The following DNAH7 variants were observed in gnomAD, a reference collection of about 807,000 sequenced individuals.
The protein encoded by DNAH7 is axonemal beta dynein heavy chain 7.
A neutral mutation model predicts 444.6 loss-of-function variants in DNAH7; 397 were observed. The observed-to-expected ratio is 0.89, with a 90% CI of 0.82 to 0.97. The LOEUF is 0.97. Ranked by LOEUF, DNAH7 falls within the 50% of genes least tolerant of loss-of-function variation. DNAH7 has a pLI of 0.00. For missense variants in DNAH7, 4,902 were observed against 4,800.8 expected (o/e 1.02, Z -0.62); for synonymous variants, 1,636 against 1,624.4 (o/e 1.01, Z -0.17).
rs908879676 is a variant in DNAH7 at position 195,923,708 on chromosome 2, C to A, written c.3712G>T (p.Ala1238Ser). ...GCATGGACATCCAGTACCACAAGTG[C>A]TCCCAGAGTTACGCGATTCTGCATG... ...LSMQNRVTLG[A>S]LVVLDVHARD... Residue 1238 changes from alanine to serine, a missense_variant, in exon 23 of 65, where the codon GCA becomes TCA. Ala to Ser is a moderately conservative substitution (Grantham distance 99, BLOSUM62 1). Coordinates refer to ENST00000312428, the MANE Select transcript of DNAH7 (RefSeq NM_018897.3). 2 of 1,614,100 alleles carry A rather than the reference C, an allele frequency of 1.2e-6. No homozygotes were observed. Among genetic ancestry groups the A allele is most frequent in the Non-Finnish European group, 8.5e-7 (1 of 1,180,002 alleles).
rs1257445544 is a variant in DNAH7, at chr2:195,816,907, T to C, written c.9482A>G (p.Asn3161Ser). Residue 3161 changes from asparagine (N) to serine (S), a missense_variant, in exon 51 of 65, where the codon AAT (asparagine) becomes AGT (serine). Coordinates refer to ENST00000312428, the MANE Select transcript of DNAH7 (RefSeq NM_018897.3). ...ILEVLSSSEGNILEDETAIKI... is the reference protein window; with the variant it reads ...ILEVLSSSEGSILEDETAIKI... ...AATAGCAGTTTCATCTTCTAATATA[T>C]TGCCTTCCGAAGATGAAAGAACTTC... 6.2e-7 allele frequency: 1 copy of C among 1,612,852 alleles called. No individual in the cohort carries two copies.
Position 195,957,323 on chromosome 2 carries a change from C to A in DNAH7, c.3016G>T (p.Glu1006Ter). The change falls in exon 19 of 65, where the codon GAA becomes TAA. Residue 1006 changes from glutamate to a stop codon, truncating the protein, a stop_gained. Coordinates refer to ENST00000312428, the MANE Select transcript of DNAH7 (RefSeq NM_018897.3). LOFTEE classifies it high-confidence loss of function. ...TCCACAGCTGTAAATCGTCTGCCTT[C>A]CTCAGGCATTTGAGACATAATGTCT... The part of the protein sequence containing the change: ...SPDIMSQMPE[E>*]GRRFTAVDKT... 1.2e-6 allele frequency: 2 copies of A among 1,606,974 alleles called. No individual in the cohort carries two copies. Among genetic ancestry groups the A allele is most frequent in the Non-Finnish European group, 1.7e-6 (2 of 1,175,076 alleles).
At chr2:196,033,561 T>C (rs1294911639) in intron 5 of DNAH7, among the ~76,000 whole-genome samples, 1 of 152,240 alleles carries the variant, frequency 6.6e-6, no homozygotes, top group Non-Finnish European at 1.5e-5. Context: ...TGTCTCTCTG[T>C]ACCTATCTTA....
intron 15 of DNAH7, among the ~76,000 whole-genome samples, chr2:195,978,869 G>A (rs1225778898): frequency 6.6e-6 from 1 of 152,052 alleles, no homozygotes; most frequent in East Asian, 1.9e-4. Flanking sequence ...TCAGCCAGAG[G>A]ATATAATAAT....
chr2:195,778,295 T>C (rs1559089235), intron 58 of DNAH7, among the ~76,000 whole-genome samples: 1 of 151,896 alleles, frequency 6.6e-6, no homozygotes, highest in Non-Finnish European at 1.5e-5. Flanking sequence ...GATCATAATA[T>C]CATCTATGAA....
In DNAH7 at chr2:195,796,632, GAAC is replaced by G. The variant is rs1372357321; in HGVS notation, c.10456_10458del (p.Val3486del). 6.2e-7 allele frequency: 1 copy of G among 1,614,022 alleles called. No individual in the cohort carries two copies. The highest frequency in any genetic ancestry group is 1.3e-5 in the African/African-American group (1 of 74,932). ...GAGGTGGCAAGGTGACAATTCTGAA[GAAC>G]AACCCATGTTCCTTCCTTGACAGCT... On this transcript the variant is annotated inframe_deletion, in exon 56 of 65. Coordinates refer to ENST00000312428, the MANE Select transcript of DNAH7 (RefSeq NM_018897.3).
intron 47 of DNAH7, among the ~76,000 whole-genome samples, chr2:195,837,093 T>C (rs2124972536): frequency 6.6e-6 from 1 of 152,352 alleles, no homozygotes; most frequent in East Asian, 1.9e-4. Flanking sequence ...AGCCGCATCA[T>C]CCAACTAAAT....
At chr2:195,818,715 C>T (rs555781739) in intron 49 of DNAH7, among the ~76,000 whole-genome samples, 1 of 152,232 alleles carries the variant, frequency 6.6e-6, no homozygotes, top group South Asian at 2.1e-4. Flanking sequence ...CTCATCCACA[C>T]ACACTGCTAT....
At chr2:195,935,908 G>A (rs1299360076) in intron 20 of DNAH7, among the ~76,000 whole-genome samples, 1 of 152,148 alleles carries the variant, frequency 6.6e-6, no homozygotes, top group Non-Finnish European at 1.5e-5. Flanking sequence ...TTGCAAAAAG[G>A]TTGGTGGGCT....
intron 44 of DNAH7, 87 bp from the exon 45 acceptor site, chr2:195,856,078 A>C (rs1699686258): frequency 8.2e-7 from 1 of 1,224,244 alleles, no homozygotes; most frequent in Non-Finnish European, 1.1e-6. Flanking sequence ...TAATACCCTT[A>C]CTATAACTGA....
At chr2:195,766,535 T>C (rs763410696) in intron 61 of DNAH7, among the ~76,000 whole-genome samples, 2 of 151,832 alleles carry the variant, frequency 1.3e-5, no homozygotes, top group Non-Finnish European at 2.9e-5. Context: ...CTACCAGATG[T>C]TGGGTAGAGT....
intron 5 of DNAH7, among the ~76,000 whole-genome samples, chr2:196,030,135 G>A: frequency 6.6e-6 from 1 of 152,184 alleles, no homozygotes. Context: ...TGGACTTACA[G>A]TTCCATGTGG....
intron 4 of DNAH7, among the ~76,000 whole-genome samples, 178 bp from the exon 5 acceptor site, chr2:196,047,677 C>T (rs1343784565): frequency 2.0e-5 from 3 of 150,720 alleles, no homozygotes; most frequent in African/African-American, 7.3e-5. Context: ...TCTTTTGTAT[C>T]ATCATAACTA....
At chr2:196,037,308 C>G (rs933952419) in intron 5 of DNAH7, among the ~76,000 whole-genome samples, 4 of 151,956 alleles carry the variant, frequency 2.6e-5, no homozygotes, top group Non-Finnish European at 5.9e-5. Context: ...AACAGATGCA[C>G]AGATATCAAC....
chr2:195,781,247 C>A (rs1286590124), intron 58 of DNAH7, among the ~76,000 whole-genome samples: 1 of 152,034 alleles, frequency 6.6e-6, no homozygotes, highest in East Asian at 1.9e-4. Context: ...TAAGAAAACT[C>A]AATGCAAATC....
chr2:195,953,248 G>A (rs567753165), intron 19 of DNAH7, among the ~76,000 whole-genome samples: 3 of 152,178 alleles, frequency 2.0e-5, no homozygotes, highest in African/African-American at 7.2e-5. Context: ...TGTTTGCCTG[G>A]GTATCACCAG....
At chr2:195,976,747 C>CAGAGAGAGAGAAAGAGAGAGAG (rs1692216620) in intron 15 of DNAH7, among the ~76,000 whole-genome samples, 2 of 90,542 alleles carry the variant, frequency 2.2e-5, no homozygotes, top group South Asian at 1.1e-3. Flanking sequence ...GAGAGGCAGA[C>CAGAGAGAGAGAAAGAGAGAGAG]AGAGAGAGAG....
intron 15 of DNAH7, among the ~76,000 whole-genome samples, chr2:195,973,809 C>T (rs1023468472): frequency 2.0e-5 from 3 of 152,038 alleles, no homozygotes; most frequent in Non-Finnish European, 2.9e-5. Context: ...AAAAATCGGC[C>T]GGGTGTGGTG....
chr2:195,915,324 A>G (rs1196241460), intron 24 of DNAH7, among the ~76,000 whole-genome samples: 1 of 152,192 alleles, frequency 6.6e-6, no homozygotes, highest in African/African-American at 2.4e-5. Flanking sequence ...ATTGAGGAAC[A>G]AAAGAAAGGG....
Sources: gnomAD v4.1 joint callset for allele counts (sites outside exome capture counted in the v4.1 genomes callset) on GRCh38, gnomAD v4.1.1 for gene constraint, MANE v1.5 for transcripts, NCBI Gene and HGNC (gene_info 2026-07-23, HGNC 2026-07-21) for gene names.